Variants in SV2C observed in about 807,000 individuals in gnomAD.
SV2C encodes solute carrier family 22 member B3.
In SV2C, 49 loss-of-function variants were observed where a neutral mutation model predicts 79.7. The ratio of observed to expected loss-of-function variants is 0.61; its 90% confidence interval spans 0.49 to 0.78. SV2C has a LOEUF of 0.78. Among genes scored for constraint, SV2C ranks in the 30% least tolerant of loss-of-function variants. The probability of loss-of-function intolerance (pLI) is 0.00; values close to 1 mark genes in which losing one functional copy is unlikely to be tolerated. For missense variants in SV2C, 833 were observed against 912.9 expected (o/e 0.91, Z 1.13); for synonymous variants, 334 against 333.2 (o/e 1.00, Z -0.03).
chr5:76,138,851 G>A (rs1580298639), intron 2 of SV2C, among the ~76,000 whole-genome samples: 1 of 152,222 alleles, frequency 6.6e-6, no homozygotes, highest in African/African-American at 2.4e-5. Flanking sequence ...GGGCACAGCG[G>A]CTCACGCCTG....
chr5:76,039,773 A>G, the SV2C span, among the ~76,000 whole-genome samples: 1 of 146,742 alleles, frequency 6.8e-6, no homozygotes, highest in South Asian at 2.2e-4. Context: ...AAAAAAAAAA[A>G]GAAAGAAAAG....
intron 2 of SV2C, among the ~76,000 whole-genome samples, chr5:76,187,319 C>G (rs17651269): frequency 0.1 from 15,949 of 152,178 alleles, 979 homozygotes; most frequent in Non-Finnish European, 0.13. Context: ...TTCAGGAAAA[C>G]TGTCTTAGGC....
intron 1 of SV2C, among the ~76,000 whole-genome samples, chr5:76,116,432 G>A (rs1162523569): frequency 6.6e-6 from 1 of 152,160 alleles, no homozygotes; most frequent in African/African-American, 2.4e-5. Flanking sequence ...TTTAAACCCA[G>A]GAGAGGGAAG....
chr5:76,104,125 G>T (rs186136697), intron 1 of SV2C, among the ~76,000 whole-genome samples: 4 of 152,326 alleles, frequency 2.6e-5, no homozygotes, highest in Admixed American at 2.6e-4. Flanking sequence ...GCAGAGAGGA[G>T]TGACAGGATA....
chr5:76,017,122 T>C, the SV2C span, among the ~76,000 whole-genome samples: 1 of 152,238 alleles, frequency 6.6e-6, no homozygotes, highest in South Asian at 2.1e-4. Flanking sequence ...TGTCTCTTTT[T>C]CCATGGCTCC....
At chr5:76,223,778 A>G (rs879306692) in intron 4 of SV2C, among the ~76,000 whole-genome samples, 4 of 152,034 alleles carry the variant, frequency 2.6e-5, no homozygotes, top group Admixed American at 2.0e-4. Flanking sequence ...TCAGGCTGCC[A>G]TAACAAGATA....
At chr5:76,301,631 G>A in intron 12 of SV2C, 86 bp downstream of exon 12, 1 of 1,478,588 alleles carries the variant, frequency 6.8e-7, no homozygotes, top group East Asian at 2.3e-5. Context: ...CAAACTGGCT[G>A]GGCACGGTAG....
intron 2 of SV2C, among the ~76,000 whole-genome samples, chr5:76,162,392 G>C (rs1742922011): frequency 6.6e-6 from 1 of 152,210 alleles, no homozygotes; most frequent in Non-Finnish European, 1.5e-5. Flanking sequence ...GGCACCCACA[G>C]TACACTGAAT....
intron 4 of SV2C, among the ~76,000 whole-genome samples, chr5:76,282,427 C>T (rs1747226513): frequency 6.6e-6 from 1 of 152,226 alleles, no homozygotes; most frequent in Non-Finnish European, 1.5e-5. Context: ...AGTCTGGGAC[C>T]CCAGCTCTTT....
chr5:75,954,456 T>G, the SV2C span, among the ~76,000 whole-genome samples: 1 of 152,018 alleles, frequency 6.6e-6, no homozygotes, highest in African/African-American at 2.4e-5. Context: ...GGGCAAAAAC[T>G]GGAAGCATTC....
chr5:75,938,106 C>A, the SV2C span, among the ~76,000 whole-genome samples: 1 of 152,088 alleles, frequency 6.6e-6, no homozygotes, highest in East Asian at 1.9e-4. Context: ...CCATGATGCC[C>A]GTCTGTTATT....
the SV2C span, among the ~76,000 whole-genome samples, chr5:75,848,814 A>G: frequency 6.6e-6 from 1 of 152,170 alleles, no homozygotes; most frequent in Non-Finnish European, 1.5e-5. Context: ...GGACACAAGC[A>G]GCTGTGGTTT....
intron 2 of SV2C, among the ~76,000 whole-genome samples, chr5:76,143,951 A>G (rs751921477): frequency 2.0e-5 from 3 of 152,218 alleles, no homozygotes; most frequent in Non-Finnish European, 4.4e-5. Context: ...AGTCAAATAA[A>G]GAGGAAATGA....
intron 1 of SV2C, among the ~76,000 whole-genome samples, chr5:76,107,531 C>T (rs1318537780): frequency 6.6e-6 from 1 of 152,144 alleles, no homozygotes; most frequent in African/African-American, 2.4e-5. Context: ...GAATTGATTA[C>T]AGCAGTTACA....
the SV2C span, among the ~76,000 whole-genome samples, chr5:75,938,816 G>A: frequency 1.3e-5 from 2 of 152,140 alleles, no homozygotes; most frequent in Non-Finnish European, 2.9e-5. Flanking sequence ...AAAGTAACAT[G>A]TTTCTAACTT....
At chr5:76,130,145 T>TAA (rs375351450) in intron 1 of SV2C, among the ~76,000 whole-genome samples, 845 of 67,550 alleles carry the variant, frequency 0.013, 21 homozygotes, top group East Asian at 0.021. Flanking sequence ...TCTCAGTTCT[T>TAA]AAAAAAAAAA....
upstream of SV2C, chr5:76,078,907 T>A: frequency 1.8e-6 from 1 of 557,376 alleles, no homozygotes; most frequent in South Asian, 1.4e-5. Context: ...CAATGATGAC[T>A]TGCAGGGCAA....
chr5:75,922,194 G>A, the SV2C span, among the ~76,000 whole-genome samples: 7 of 151,920 alleles, frequency 4.6e-5, no homozygotes, highest in Admixed American at 4.6e-4. Context: ...ATTTAAGGAG[G>A]ACCAAATAAT....
chr5:76,074,767 A>G, the SV2C span, among the ~76,000 whole-genome samples: 1 of 152,186 alleles, frequency 6.6e-6, no homozygotes, highest in Non-Finnish European at 1.5e-5. Context: ...TTTGCTTGTT[A>G]AGATACTGAA....
Sources: gnomAD v4.1 joint callset for allele counts (sites outside exome capture counted in the v4.1 genomes callset) on GRCh38, gnomAD v4.1.1 for gene constraint, MANE v1.5 for transcripts, NCBI Gene and HGNC (gene_info 2026-07-23, HGNC 2026-07-21) for gene names.